The following THRB variants were observed in gnomAD, a reference collection of about 807,000 sequenced individuals.
The protein encoded by THRB is nuclear receptor subfamily 1 group A member 2.
THRB carries 12 observed loss-of-function variants against 47.8 expected under a neutral mutation model. That is an observed-to-expected ratio of 0.25 (90% CI 0.16 to 0.41). THRB has a LOEUF of 0.41. Ranked by LOEUF, THRB falls within the 10% of genes least tolerant of loss-of-function variation. The pLI, the probability that THRB is intolerant of heterozygous loss-of-function variation, is 1.00. For synonymous variants in THRB, 218 were observed against 212.2 expected, an observed-to-expected ratio of 1.03 and a Z score of -0.24; for missense variants, 348 against 589.2, an observed-to-expected ratio of 0.59 and a Z score of 4.24.
At chr3:24,295,028 G>A (rs903013351) in intron 3 of THRB, among the ~76,000 whole-genome samples, 1 of 152,178 alleles carries the variant, frequency 6.6e-6, no homozygotes, top group African/African-American at 2.4e-5. Context: ...GTCCAAAAAT[G>A]TCCCTGTAAC....
chr3:24,282,023 C>G (rs1422683823), intron 3 of THRB, among the ~76,000 whole-genome samples: 1 of 129,680 alleles, frequency 7.7e-6, no homozygotes, highest in Admixed American at 7.5e-5. Context: ...TTAGACAGAT[C>G]AACGAGACAG....
Position 24,196,032 on chromosome 3 carries a change from G to C in THRB, c.23-5698C>G, listed in dbSNP as rs116650802. 9.3e-3 allele frequency among the ~76,000 whole-genome samples: 1,410 copies of C among 152,334 alleles called. 28 individuals carry two copies. The highest frequency in any genetic ancestry group is 0.032 in the African/African-American group (1,333 of 41,562). On this transcript the variant is annotated intron_variant, in intron 4 of 10. Transcript: ENST00000646209. ...TACTGTGTCTCTAGCACTTGCAAAA[G>C]AGCCTTATGAATAACAGGTGCTTGG...
chr3:24,297,618 C>T lies in THRB; in HGVS notation c.-188-247G>A, dbSNP rs553446613. ...GGAAATGGTGGGATGCTGGCGGCTT[C>T]GTCTTGAGGCAGTTAAATGATGTGA... On this transcript the variant is annotated intron_variant, in intron 2 of 10. Transcript: ENST00000646209. Among the ~76,000 whole-genome samples, 61 of 152,336 alleles carry T rather than the reference C, an allele frequency of 4.0e-4. 1 individual carries two copies. In the South Asian group the frequency reaches 0.011, roughly 28 times the overall value.
intron 1 of THRB, among the ~76,000 whole-genome samples, chr3:24,367,097 G>C (rs576565670): frequency 5.9e-5 from 9 of 152,280 alleles, no homozygotes; most frequent in African/African-American, 1.9e-4. Context: ...TAGCTGGATG[G>C]CAGGGACTGA....
intron 5 of THRB, among the ~76,000 whole-genome samples, chr3:24,186,320 C>T (rs114178986): frequency 6.3e-4 from 96 of 152,122 alleles, no homozygotes; most frequent in Non-Finnish European, 1.2e-3. Flanking sequence ...CTGGATATAT[C>T]GTCTCAGACT....
intron 5 of THRB, among the ~76,000 whole-genome samples, chr3:24,180,547 G>A (rs570510899): frequency 3.9e-5 from 6 of 152,328 alleles, no homozygotes; most frequent in African/African-American, 1.4e-4. Flanking sequence ...TCAGGTCAGT[G>A]CCATGGAGAA....
intron 1 of THRB, among the ~76,000 whole-genome samples, chr3:24,446,560 C>G (rs1431938697): frequency 2.4e-5 from 1 of 41,386 alleles, no homozygotes; most frequent in Non-Finnish European, 6.1e-5. Flanking sequence ...AGATCTTTCT[C>G]AAAAAAAAAA....
chr3:24,182,658 A>G (rs1449524914), intron 5 of THRB, among the ~76,000 whole-genome samples: 1 of 152,196 alleles, frequency 6.6e-6, no homozygotes, highest in African/African-American at 2.4e-5. Context: ...CCATGAGATC[A>G]TTTAAGAGCT....
rs535021322 is a variant in THRB, at chr3:24,362,418, T to C, written c.-260-25047A>G. On this transcript the variant is annotated intron_variant, in intron 1 of 10. Coordinates refer to ENST00000646209, the MANE Select transcript of THRB (RefSeq NM_001354712.2). The stretch of plus-strand genomic sequence containing the variant: ...CTCTTCCCCTAGATATGCACAAGCA[T>C]CATTCCTGTCACCTTCTCAGTGAGG... Among the ~76,000 whole-genome samples, 5 of 152,300 alleles carry C rather than the reference T, an allele frequency of 3.3e-5. No individual in the cohort carries two copies. The South Asian group carries it at 8.3e-4, about 25-fold the overall frequency.
chr3:24,401,020 A>G (rs2067353838), intron 1 of THRB, among the ~76,000 whole-genome samples: 1 of 152,048 alleles, frequency 6.6e-6, no homozygotes, highest in Non-Finnish European at 1.5e-5. Flanking sequence ...GAATAACCCA[A>G]AGTGTCTGAG....
intron 3 of THRB, among the ~76,000 whole-genome samples, chr3:24,255,384 A>C (rs1164874779): frequency 6.6e-6 from 1 of 152,194 alleles, no homozygotes; most frequent in Non-Finnish European, 1.5e-5. Context: ...ACAATACAAC[A>C]CATATACAAT....
chr3:24,307,479 C>G (rs1018668706), intron 2 of THRB, among the ~76,000 whole-genome samples: 38 of 152,192 alleles, frequency 2.5e-4, no homozygotes, highest in Middle Eastern at 3.4e-3. Context: ...CACGCTATAA[C>G]CTCTTCATAA....
At chr3:24,258,828 G>A (rs898378996) in intron 3 of THRB, among the ~76,000 whole-genome samples, 3 of 152,184 alleles carry the variant, frequency 2.0e-5, no homozygotes, top group African/African-American at 7.2e-5. Context: ...GAGGTTACCA[G>A]CAAGTAGCAA....
intron 3 of THRB, among the ~76,000 whole-genome samples, chr3:24,281,981 T>A (rs1385952736): frequency 7.1e-6 from 1 of 141,840 alleles, no homozygotes; most frequent in Admixed American, 6.9e-5. Flanking sequence ...CACACATTAA[T>A]AATGGGAGAC....
At chr3:24,280,982 G>T (rs1208770132) in intron 3 of THRB, among the ~76,000 whole-genome samples, 4 of 152,138 alleles carry the variant, frequency 2.6e-5, no homozygotes, top group Non-Finnish European at 4.4e-5. Context: ...GAAAGTGATG[G>T]GGAGAATGGA....
Position 24,128,863 on chromosome 3 carries a change from C to CTTTTTTTTTTTTTT in THRB, c.886-1120_886-1107dup, listed in dbSNP as rs57890674. On this transcript the variant is annotated intron_variant, in intron 9 of 10. Transcript: ENST00000646209. The stretch of plus-strand genomic sequence containing the variant: ...GCCAAGAGAAGAAGGAAACATAACT[C>CTTTTTTTTTTTTTT]TTTTTTTTTTTTTTTTTTTTTTTTT... Among the ~76,000 whole-genome samples, 485 of 87,014 alleles carry CTTTTTTTTTTTTTT rather than the reference C, an allele frequency of 5.6e-3. 74 individuals are homozygous for CTTTTTTTTTTTTTT. Among genetic ancestry groups the CTTTTTTTTTTTTTT allele is most frequent in the East Asian group, 0.018 (30 of 1,686 alleles). 57.1% of individuals were successfully genotyped at this position (87,014 alleles called of 152,430 possible).
At chr3:24,361,894 C>T (rs368894368) in intron 1 of THRB, among the ~76,000 whole-genome samples, 4 of 152,062 alleles carry the variant, frequency 2.6e-5, no homozygotes, top group South Asian at 4.1e-4. Flanking sequence ...TGATAGCAGG[C>T]CCAACACCCA....
intron 1 of THRB, among the ~76,000 whole-genome samples, chr3:24,393,593 A>T (rs2150002965): frequency 6.6e-6 from 1 of 152,242 alleles, no homozygotes; most frequent in African/African-American, 2.4e-5. Context: ...GTTTCCAAAA[A>T]CAGGCAGCTA....
At chr3:24,360,765 T>G (rs1226033334) in intron 1 of THRB, among the ~76,000 whole-genome samples, 1 of 152,290 alleles carries the variant, frequency 6.6e-6, no homozygotes, top group Non-Finnish European at 1.5e-5. Context: ...GTTTATCATT[T>G]TTATACACAT....
Sources: allele counts gnomAD v4.1 joint callset (sites outside exome capture counted in the v4.1 genomes callset), GRCh38; gene constraint gnomAD v4.1.1; transcripts MANE v1.5; gene names NCBI Gene and HGNC (gene_info 2026-07-23, HGNC 2026-07-21).